SEC13: variants seen among roughly 807,000 people sequenced by gnomAD.
SEC13 encodes the protein SEC13 homolog, nuclear pore and COPII component.
SEC13 carries 25 observed loss-of-function variants against 49.2 expected under a neutral mutation model. The ratio of observed to expected loss-of-function variants is 0.51; its 90% CI spans 0.37 to 0.71. The LOEUF (loss-of-function observed/expected upper bound fraction) is 0.71. SEC13 is among the 30% of genes least tolerant of loss of function. The pLI is 0.00. For missense variants in SEC13, 383 were observed against 417.6 expected (o/e 0.92, Z 0.72); for synonymous variants, 148 against 163.9 (o/e 0.90, Z 0.74).
chr3:10,306,307 C>T (rs1700873905), intron 5 of SEC13, among the ~76,000 whole-genome samples: 2 of 152,170 alleles, frequency 1.3e-5, no homozygotes, highest in Admixed American at 6.5e-5. Context: ...GCTTCATATG[C>T]AGTTCAATAT....
At chr3:10,312,146 C>A in intron 4 of SEC13, 48 bp from the exon 5 acceptor site, 1 of 1,538,790 alleles carries the variant, frequency 6.5e-7, no homozygotes, top group Non-Finnish European at 8.8e-7. Flanking sequence ...AGACCGCGGC[C>A]CCAGGTCCCG....
chr3:10,303,464 A>G (rs1236592807), intron 8 of SEC13: 1 of 157,216 alleles, frequency 6.4e-6, no homozygotes, highest in Non-Finnish European at 1.4e-5. Flanking sequence ...GCCACTTTTA[A>G]CTGCACAGTC....
chr3:10,307,901 A>C (rs533169078), intron 5 of SEC13, among the ~76,000 whole-genome samples: 3 of 152,300 alleles, frequency 2.0e-5, no homozygotes, highest in African/African-American at 7.2e-5. Flanking sequence ...ATTTCGTCTT[A>C]GTTCTCTACA....
Position 10,320,488 on chromosome 3 carries a change from T to C in SEC13, c.3+562A>G, listed in dbSNP as rs1009674351. On this transcript the variant is annotated intron_variant, in intron 1 of 8. Transcript: ENST00000350697. ...AGGGTCGTTCAGGCCATCTTTACGT[T>C]TCCCGAGGTGCCCATCCTACCTGGG... The C allele has an allele frequency of 3.0e-6, 3 of 984,872 alleles. No individual in the cohort carries two copies. The African/African-American group carries it at 5.2e-5, about 17-fold the overall frequency. The allele number at this position is 984,872 out of a possible 1,614,324, so 61.0% of individuals were successfully genotyped here.
chr3:10,313,715 ATTT>A (rs926654361), intron 3 of SEC13: 1 of 195,428 alleles, frequency 5.1e-6, no homozygotes, highest in Non-Finnish European at 1.1e-5. Context: ...TGGGGTGGGA[ATTT>A]TTTTTATCCC....
In SEC13 at chr3:10,305,126, C is replaced by G. The variant is rs1458508758; in HGVS notation, c.615G>C (p.Glu205Asp). ...KEEEDGQWKEEQKLEAHSDWV... is the reference protein window; with the variant it reads ...KEEEDGQWKEDQKLEAHSDWV... ...AGTCACTGTGCGCTTCTAGCTTCTG[C>G]TCCTCCTTCCACTGGCCGTCCTCCT... Residue 205 changes from glutamate (E) to aspartate (D), a missense_variant, in exon 7 of 9, where the codon GAG becomes GAC. By Grantham distance (45) the Glu-to-Asp change is conservative (BLOSUM62 2). Coordinates refer to ENST00000350697, the MANE Select transcript of SEC13 (RefSeq NM_183352.3). 3.1e-6 allele frequency: 5 copies of G among 1,613,710 alleles called. No individual in the cohort carries two copies. Among genetic ancestry groups the G allele is most frequent in the Non-Finnish European group, 4.2e-6 (5 of 1,179,788 alleles).
chr3:10,313,485 A>C (rs1701413998), intron 3 of SEC13: 1 of 522,662 alleles, frequency 1.9e-6, no homozygotes, highest in East Asian at 5.5e-5. Context: ...GTTTGGAACA[A>C]TGCTTGGTAG....
At position 10,305,149 on chromosome 3, in the gene SEC13, C is replaced by T. The variant is rs781715906; in HGVS notation, c.592G>A (p.Glu198Lys). Residue 198 changes from glutamate (E) to lysine (K), a missense_variant, in exon 7 of 9, where the codon GAG becomes AAG. Glu to Lys is a moderately conservative substitution (Grantham distance 56). Coordinates refer to ENST00000350697, the MANE Select transcript of SEC13 (RefSeq NM_183352.3). ...DNLIKLWKEE[E>K]DGQWKEEQKL... ...TGCTCCTCCTTCCACTGGCCGTCCT[C>T]CTCCTCCCTAACAGTGGGGACAGAA... 2 of 1,611,994 alleles carry T rather than the reference C, an allele frequency of 1.2e-6. No individual in the cohort carries two copies. The highest frequency in any genetic ancestry group is 1.7e-6 in the Non-Finnish European group (2 of 1,178,902).
chr3:10,312,760 C>T, intron 3 of SEC13, 30 bp from the exon 4 acceptor site: 1 of 1,612,560 alleles, frequency 6.2e-7, no homozygotes, highest in South Asian at 1.1e-5. Context: ...CCAGAGGAAC[C>T]CACAGTGCCT....
intron 5 of SEC13, chr3:10,311,753 C>G: frequency 7.1e-7 from 1 of 1,406,094 alleles, no homozygotes; most frequent in Non-Finnish European, 9.3e-7. Flanking sequence ...TGCTTGGGAG[C>G]ACACAACAAG....
At chr3:10,317,908 C>T (rs1701704990) in intron 2 of SEC13, 142 bp downstream of exon 2, 3 of 596,514 alleles carry the variant, frequency 5.0e-6, no homozygotes, top group Non-Finnish European at 9.1e-6. Context: ...CCCGAGATTA[C>T]AGGCTGATAG....
chr3:10,305,899 G>C (rs1314213992), intron 5 of SEC13: 1 of 447,236 alleles, frequency 2.2e-6, no homozygotes, highest in Non-Finnish European at 4.0e-6. Context: ...TGCGCTAAAA[G>C]TAGAAATTAA....
intron 5 of SEC13, chr3:10,311,434 ATTG>A (rs1238557967): frequency 6.4e-6 from 1 of 156,922 alleles, no homozygotes; most frequent in African/African-American, 2.4e-5. Flanking sequence ...CACATTGGTT[ATTG>A]TTGGTTTTTG....
At chr3:10,317,727 A>T (rs1264325545) in intron 2 of SEC13, among the ~76,000 whole-genome samples, 1 of 151,958 alleles carries the variant, frequency 6.6e-6, no homozygotes, top group African/African-American at 2.4e-5. Flanking sequence ...TGGGAAGACT[A>T]TTGTCAAGCC....
At position 10,301,136 on chromosome 3, in the gene SEC13, C is replaced by T; in HGVS notation, c.*125G>A. On this transcript the variant is annotated 3_prime_UTR_variant, in exon 9 of 9. Coordinates refer to ENST00000350697, the MANE Select transcript of SEC13 (RefSeq NM_183352.3). Reference sequence around the variant, plus strand: ...GCAGATGATCAATCTGTGGCTGCATCTGTAACTCCTCCTGGGAAAATAATC... The same window carrying T: ...GCAGATGATCAATCTGTGGCTGCATTTGTAACTCCTCCTGGGAAAATAATC... 1.2e-6 allele frequency: 2 copies of T among 1,613,890 alleles called. No individual in the cohort carries two copies. The highest frequency in any genetic ancestry group is 2.2e-5 in the South Asian group (2 of 91,084).
intron 8 of SEC13, among the ~76,000 whole-genome samples, chr3:10,302,213 G>A (rs545431525): frequency 6.6e-6 from 1 of 152,276 alleles, no homozygotes; most frequent in East Asian, 1.9e-4. Context: ...ACTCCAGCCT[G>A]GACGACAGAG....
At position 10,311,765 on chromosome 3, in the gene SEC13, A is replaced by C; in HGVS notation, c.450+200T>G. ...CCCTGCTTGGGAGCACACAACAAGG[A>C]AGCAGTGCCAAGCCCTGCCTGGTCT... On this transcript the variant is annotated intron_variant, in intron 5 of 8. Transcript: ENST00000350697. 2.1e-6 allele frequency: 3 copies of C among 1,422,370 alleles called. No individual in the cohort carries two copies. In the South Asian group the frequency reaches 4.4e-5, roughly 21 times the overall value. The allele number at this position is 1,422,370 out of a possible 1,614,324, so 88.1% of individuals were successfully genotyped here. A position where few individuals can be genotyped will look rare whatever the true frequency, so the allele number is the denominator to read the frequency against.
chr3:10,301,085 T>C lies in SEC13; in HGVS notation c.*176A>G, dbSNP rs769593360. 41 of 1,612,086 alleles carry C rather than the reference T, an allele frequency of 2.5e-5. No individual in the cohort carries two copies. The highest frequency in any genetic ancestry group is 3.1e-5 in the Non-Finnish European group (37 of 1,179,734). ...GAGTGCTTTCAGCTGGACAGTAGAT[T>C]ACAAAGCATCTCCGATCACGTTAAG... On this transcript the variant is annotated 3_prime_UTR_variant, in exon 9 of 9. Coordinates refer to ENST00000350697, the MANE Select transcript of SEC13 (RefSeq NM_183352.3).
chr3:10,304,241 C>T (rs1700724097), intron 7 of SEC13, 69 bp from the exon 8 acceptor site: 3 of 1,525,934 alleles, frequency 2.0e-6, no homozygotes, highest in South Asian at 2.3e-5. Flanking sequence ...GATGTCCTCC[C>T]AGTCTAGAGC....
Sources: allele counts gnomAD v4.1 joint callset (sites outside exome capture counted in the v4.1 genomes callset), GRCh38; gene constraint gnomAD v4.1.1; transcripts MANE v1.5; gene names NCBI Gene and HGNC (gene_info 2026-07-23, HGNC 2026-07-21).